Variants in RIT2 observed in about 807,000 individuals in gnomAD.
RIT2 encodes the protein GTP-binding protein Rit2.
A neutral mutation model predicts 23.7 loss-of-function variants in RIT2; 24 were observed. That is an observed-to-expected ratio of 1.01 (90% confidence interval 0.73 to 1.43). RIT2 has a LOEUF of 1.43. Among genes scored for constraint, RIT2 ranks in the 40% most tolerant of loss-of-function variants. RIT2 has a pLI of 0.00. For synonymous variants in RIT2, 107 were observed against 91.1 expected, an observed-to-expected ratio of 1.17 and a Z score of -0.99; for missense variants, 236 against 266.9, an observed-to-expected ratio of 0.88 and a Z score of 0.81.
intron 4 of RIT2, among the ~76,000 whole-genome samples, chr18:42,744,583 T>C (rs577742720): frequency 6.0e-4 from 92 of 152,190 alleles, no homozygotes; most frequent in East Asian, 5.0e-3. Flanking sequence ...CTTTTTTTTT[T>C]CCCCAATTTC....
At chr18:42,829,423 C>T (rs1347331919) in intron 4 of RIT2, among the ~76,000 whole-genome samples, 1 of 152,146 alleles carries the variant, frequency 6.6e-6, no homozygotes, top group Non-Finnish European at 1.5e-5. Context: ...CTACTACCTA[C>T]CCAGGGATAA....
intron 4 of RIT2, among the ~76,000 whole-genome samples, chr18:42,846,953 C>A (rs1055504142): frequency 5.3e-5 from 8 of 152,046 alleles, no homozygotes; most frequent in African/African-American, 1.7e-4. Context: ...TATAATTTCA[C>A]GGGTTTTCAC....
chr18:43,047,791 AG>A (rs1912283495), intron 1 of RIT2, among the ~76,000 whole-genome samples: 1 of 152,208 alleles, frequency 6.6e-6, no homozygotes, highest in South Asian at 2.1e-4. Context: ...ATTTAATAAT[AG>A]ATGTCAAATT....
intron 1 of RIT2, among the ~76,000 whole-genome samples, chr18:43,097,955 G>A (rs926523865): frequency 6.6e-6 from 1 of 151,918 alleles, no homozygotes; most frequent in African/African-American, 2.4e-5. Flanking sequence ...ATCAATAAAG[G>A]TGGAAGCAGA....
chr18:43,003,893 A>C (rs1437553855), intron 2 of RIT2, among the ~76,000 whole-genome samples: 1 of 151,644 alleles, frequency 6.6e-6, no homozygotes, highest in Non-Finnish European at 1.5e-5. Context: ...CCTTATTTTG[A>C]AAGTAGAAAA....
chr18:42,967,390 G>A lies in RIT2; in HGVS notation c.234+6684C>T, dbSNP rs536748154. ...TAAAAGGTGGTTGTTGTTGTTTTGA[G>A]ACAGAGTCTCGCTCTGTTGCCCAGG... On this transcript the variant is annotated intron_variant, in intron 3 of 4. Transcript: ENST00000326695. Among the ~76,000 whole-genome samples, 86 of 151,962 alleles carry A rather than the reference G, an allele frequency of 5.7e-4. 1 individual carries two copies. The highest frequency in any genetic ancestry group is 8.2e-4 in the Non-Finnish European group (56 of 67,994).
At chr18:42,920,703 T>A (rs757631265) in intron 4 of RIT2, 1 of 1,593,106 alleles carries the variant, frequency 6.3e-7, no homozygotes, top group South Asian at 1.1e-5. Flanking sequence ...TTACCAAATA[T>A]GAAAAGAAGC....
At chr18:42,962,311 G>A (rs530808190) in intron 3 of RIT2, among the ~76,000 whole-genome samples, 3 of 152,090 alleles carry the variant, frequency 2.0e-5, no homozygotes, top group Admixed American at 1.3e-4. Context: ...TTTTAAAAAC[G>A]GGAAGAGGAA....
chr18:42,883,110 G>A (rs948826037), intron 4 of RIT2, among the ~76,000 whole-genome samples: 1 of 152,016 alleles, frequency 6.6e-6, no homozygotes. Context: ...GAAATAAATG[G>A]AAGTGGTGTG....
chr18:42,908,203 C>A (rs933111546), intron 4 of RIT2, among the ~76,000 whole-genome samples: 1 of 149,238 alleles, frequency 6.7e-6, no homozygotes, highest in Non-Finnish European at 1.5e-5. Flanking sequence ...AGAAAAAAAT[C>A]AGTGAAATTG....
intron 1 of RIT2, among the ~76,000 whole-genome samples, chr18:43,055,763 C>A (rs889109296): frequency 1.3e-5 from 2 of 151,900 alleles, no homozygotes; most frequent in Non-Finnish European, 2.9e-5. Context: ...ATGAGGTTTT[C>A]GGACATGTTG....
chr18:42,902,521 A>C (rs1360928596), intron 4 of RIT2, among the ~76,000 whole-genome samples: 1 of 151,638 alleles, frequency 6.6e-6, no homozygotes, highest in Admixed American at 6.6e-5. Context: ...TACATATATT[A>C]TTTTTTATAT....
intron 3 of RIT2, among the ~76,000 whole-genome samples, chr18:42,960,475 C>T (rs1032170572): frequency 6.6e-6 from 1 of 152,098 alleles, no homozygotes; most frequent in Non-Finnish European, 1.5e-5. Flanking sequence ...CCACCATATT[C>T]AGCTAATTTT....
At chr18:43,007,124 G>C (rs1229539381) in intron 2 of RIT2, among the ~76,000 whole-genome samples, 1 of 151,602 alleles carries the variant, frequency 6.6e-6, no homozygotes, top group South Asian at 2.1e-4. Flanking sequence ...CAAAAACTTA[G>C]TAATGTTTCT....
intron 3 of RIT2, among the ~76,000 whole-genome samples, chr18:42,960,396 C>G (rs976299776): frequency 2.0e-5 from 3 of 152,168 alleles, no homozygotes; most frequent in Non-Finnish European, 4.4e-5. Context: ...CTCACCGCAA[C>G]CTCTGCCTCC....
chr18:43,006,741 A>T (rs1235443017), intron 2 of RIT2, among the ~76,000 whole-genome samples: 5 of 151,672 alleles, frequency 3.3e-5, no homozygotes, highest in Admixed American at 3.3e-4. Context: ...TAATAATAGT[A>T]ACCTCCAAAG....
intron 4 of RIT2, among the ~76,000 whole-genome samples, chr18:42,916,174 G>A (rs916005996): frequency 1.3e-5 from 2 of 152,182 alleles, no homozygotes; most frequent in East Asian, 1.9e-4. Context: ...GAACTAGGAT[G>A]GGGCCTGATA....
At chr18:42,944,004 G>A (rs1909665964) in intron 3 of RIT2, among the ~76,000 whole-genome samples, 1 of 152,106 alleles carries the variant, frequency 6.6e-6, no homozygotes, top group South Asian at 2.1e-4. Context: ...ACTCCTAGCT[G>A]CTTTTCCTGC....
At chr18:43,098,054 A>C (rs564383181) in intron 1 of RIT2, among the ~76,000 whole-genome samples, 1 of 151,984 alleles carries the variant, frequency 6.6e-6, no homozygotes, top group Admixed American at 6.6e-5. Flanking sequence ...ACATGATGGG[A>C]GTGATGGGGA....
Sources: gnomAD v4.1 joint callset for allele counts (sites outside exome capture counted in the v4.1 genomes callset) on GRCh38, gnomAD v4.1.1 for gene constraint, MANE v1.5 for transcripts, NCBI Gene and HGNC (gene_info 2026-07-23, HGNC 2026-07-21) for gene names.